RAB21: variants seen among roughly 807,000 people sequenced by gnomAD.
The protein encoded by RAB21 is RAB21, member RAS oncogene family.
A neutral mutation model predicts 33.1 loss-of-function variants in RAB21; 13 were observed. That is an observed-to-expected ratio of 0.39 (90% confidence interval 0.26 to 0.62). The LOEUF is 0.62. RAB21 is among the 20% of genes least tolerant of loss of function. The pLI, the probability that RAB21 is intolerant of heterozygous loss-of-function variation, is 0.48. For synonymous variants in RAB21, 91 were observed against 103.7 expected, an observed-to-expected ratio of 0.88 and a Z score of 0.74; for missense variants, 234 against 279.1, an observed-to-expected ratio of 0.84 and a Z score of 1.15.
rs1883511910 is a variant in RAB21 at position 71,799,639 on chromosome 12, T to C, written c.*13966T>C. On this transcript the variant is annotated 3_prime_UTR_variant, in exon 7 of 7. Transcript: ENST00000261263. ...TTTTAGGTAGCTATAAAAAAGAGAA[T>C]GAGAAAGCTTTGCATATTTAAAAGA... The C allele has an allele frequency of 6.6e-6, 1 of 152,020 alleles. No individual in the cohort carries two copies. Among genetic ancestry groups the C allele is most frequent in the Non-Finnish European group, 1.5e-5 (1 of 67,998 alleles). 9.4% of individuals were successfully genotyped at this position (152,020 alleles called of 1,614,324 possible). A position where few individuals can be genotyped will look rare whatever the true frequency, so the allele number is the denominator to read the frequency against.
rs1016568970 is a variant in RAB21, at chr12:71,771,471, A to AT, written c.327+780dup. Among the ~76,000 whole-genome samples, 11 of 151,646 alleles carry AT rather than the reference A, an allele frequency of 7.3e-5. No homozygotes were observed. The East Asian group carries it at 1.2e-3, about 16-fold the overall frequency. On this transcript the variant is annotated intron_variant, in intron 3 of 6. Transcript: ENST00000261263. ...CTTGTTTGTTTTGTTTTTTCTCTTT[A>AT]TTTTTTTTCCCAGTTAAATCTGATA...
intron 4 of RAB21, among the ~76,000 whole-genome samples, chr12:71,776,712 TAA>T (rs879933987): frequency 8.5e-5 from 12 of 140,806 alleles, no homozygotes; most frequent in Admixed American, 2.1e-4. Context: ...GTCTCCCGTT[TAA>T]AAAAAAAAAA....
chr12:71,765,135 C>T (rs757546541), intron 1 of RAB21, among the ~76,000 whole-genome samples: 23 of 152,180 alleles, frequency 1.5e-4, no homozygotes, highest in East Asian at 1.9e-4. Context: ...GTTATTTTGA[C>T]TAATTATGGT....
chr12:71,782,691 T>A lies in RAB21; in HGVS notation c.535+33T>A, dbSNP rs183911977. On this transcript the variant is annotated intron_variant, in intron 6 of 6. Transcript: ENST00000261263. Reference sequence around the variant, plus strand: ...TATTCAGATTTAGTTTGTTTAGAAATGGTTTTTGGTTTTTATTTTTTAAAA... The same window carrying A: ...TATTCAGATTTAGTTTGTTTAGAAAAGGTTTTTGGTTTTTATTTTTTAAAA... 7 of 1,418,488 alleles carry A rather than the reference T, an allele frequency of 4.9e-6. No individual in the cohort carries two copies. In the East Asian group the frequency reaches 1.4e-4, roughly 29 times the overall value. The allele number at this position is 1,418,488 out of a possible 1,614,324, so 87.9% of individuals were successfully genotyped here. A position where few individuals can be genotyped will look rare whatever the true frequency, so the allele number is the denominator to read the frequency against.
At chr12:71,771,895 A>G (rs1164688402) in intron 3 of RAB21, among the ~76,000 whole-genome samples, 1 of 151,856 alleles carries the variant, frequency 6.6e-6, no homozygotes, top group South Asian at 2.1e-4. Flanking sequence ...AGACTTGCTT[A>G]AACTGGGGAG....
At chr12:71,773,911 G>A in intron 3 of RAB21, 48 bp from the exon 4 acceptor site, 1 of 1,353,040 alleles carries the variant, frequency 7.4e-7, no homozygotes, top group Non-Finnish European at 1.0e-6. Context: ...TGTGATAGTA[G>A]TAATTCCAAC....
intron 4 of RAB21, among the ~76,000 whole-genome samples, chr12:71,777,139 A>T (rs540971590): frequency 2.0e-5 from 3 of 152,330 alleles, no homozygotes; most frequent in African/African-American, 7.2e-5. Context: ...CAAAATGAAA[A>T]TTGCACGGTG....
At chr12:71,759,284 A>C (rs193112833) in intron 1 of RAB21, among the ~76,000 whole-genome samples, 2 of 152,332 alleles carry the variant, frequency 1.3e-5, no homozygotes, top group East Asian at 1.9e-4. Flanking sequence ...TGTGGAATCT[A>C]CTGTCTGGAT....
At chr12:71,765,530 C>T (rs1262078315) in intron 1 of RAB21, among the ~76,000 whole-genome samples, 1 of 152,066 alleles carries the variant, frequency 6.6e-6, no homozygotes, top group Non-Finnish European at 1.5e-5. Flanking sequence ...TTTCTCTAAG[C>T]CAATGTCTAG....
At chr12:71,755,937 A>T (rs890706075) in intron 1 of RAB21, among the ~76,000 whole-genome samples, 3 of 152,192 alleles carry the variant, frequency 2.0e-5, no homozygotes, top group Non-Finnish European at 2.9e-5. Flanking sequence ...CCCAGACTAA[A>T]AGCCGCTGCT....
At position 71,786,567 on chromosome 12, in the gene RAB21, T is replaced by C. The variant is rs1308684166; in HGVS notation, c.*894T>C. 2 of 152,658 alleles carry C rather than the reference T, an allele frequency of 1.3e-5. No homozygotes were observed. Among genetic ancestry groups the C allele is most frequent in the African/African-American group, 4.8e-5 (2 of 41,460 alleles). 9.5% of individuals were successfully genotyped at this position (152,658 alleles called of 1,614,324 possible). A position where few individuals can be genotyped will look rare whatever the true frequency, so the allele number is the denominator to read the frequency against. The stretch of plus-strand genomic sequence containing the variant: ...ATTGTAAATTACATATTAAATATTT[T>C]ATCTGCTTTTACAAGCGCAAGGTGC... On this transcript the variant is annotated 3_prime_UTR_variant, in exon 7 of 7. Coordinates refer to ENST00000261263, the MANE Select transcript of RAB21 (RefSeq NM_014999.4).
rs1052545054 is a variant in RAB21, at chr12:71,793,070, C to G, written c.*7397C>G. 6.6e-6 allele frequency: 1 copy of G among 152,152 alleles called. No individual in the cohort carries two copies. The highest frequency in any genetic ancestry group is 1.5e-5 in the Non-Finnish European group (1 of 68,022). The allele number at this position is 152,152 out of a possible 1,614,324, so 9.4% of individuals were successfully genotyped here. A position where few individuals can be genotyped will look rare whatever the true frequency, so the allele number is the denominator to read the frequency against. Reference sequence around the variant, plus strand: ...GGGGGTAATTAAGTGATCCTCTAACCCAAATTGCTTTTCCAAATTTTGTGG... The same window carrying G: ...GGGGGTAATTAAGTGATCCTCTAACGCAAATTGCTTTTCCAAATTTTGTGG... On this transcript the variant is annotated 3_prime_UTR_variant, in exon 7 of 7. Coordinates refer to ENST00000261263, the MANE Select transcript of RAB21 (RefSeq NM_014999.4).
At chr12:71,762,243 A>G (rs1882882701) in intron 1 of RAB21, among the ~76,000 whole-genome samples, 1 of 152,224 alleles carries the variant, frequency 6.6e-6, no homozygotes, top group Non-Finnish European at 1.5e-5. Context: ...CCTTGTTTTT[A>G]GAAACTAAGA....
In RAB21 at chr12:71,794,559, C is replaced by G. The variant is rs1883440449; in HGVS notation, c.*8886C>G. ...TCACACCATTCTCCTGCCTCAGCCT[C>G]CCGAGTAGCTGGGACTACAGGCGCC... On this transcript the variant is annotated 3_prime_UTR_variant, in exon 7 of 7. Coordinates refer to ENST00000261263, the MANE Select transcript of RAB21 (RefSeq NM_014999.4). The G allele has an allele frequency of 7.0e-6, 1 of 142,600 alleles. No individual in the cohort carries two copies. Among genetic ancestry groups the G allele is most frequent in the East Asian group, 2.1e-4 (1 of 4,690 alleles). The allele number at this position is 142,600 out of a possible 1,614,324, so 8.8% of individuals were successfully genotyped here.
chr12:71,763,268 A>G (rs1592643501), intron 1 of RAB21, among the ~76,000 whole-genome samples: 1 of 151,932 alleles, frequency 6.6e-6, no homozygotes, highest in Non-Finnish European at 1.5e-5. Context: ...CAGATACCTT[A>G]TAATTATCAA....
rs34870844 is a variant in RAB21, at chr12:71,774,756, T to TAAA, written c.391+749_391+751dup. Among the ~76,000 whole-genome samples, 15 of 133,846 alleles carry TAAA rather than the reference T, an allele frequency of 1.1e-4. No homozygotes were observed. The South Asian group carries it at 1.2e-3, about 11-fold the overall frequency. The allele number at this position is 133,846 out of a possible 152,430, so 87.8% of individuals were successfully genotyped here. A position where few individuals can be genotyped will look rare whatever the true frequency, so the allele number is the denominator to read the frequency against. ...TGGGCAACAGAGCGAGACTGTGTCT[T>TAAA]AAAAAAAAAAAAAAAAAGAATAATT... On this transcript the variant is annotated intron_variant, in intron 4 of 6. Transcript: ENST00000261263.
chr12:71,780,621 C>G (rs1337801542), intron 4 of RAB21, among the ~76,000 whole-genome samples: 2 of 152,176 alleles, frequency 1.3e-5, no homozygotes, highest in African/African-American at 4.8e-5. Context: ...TTAGTGTTGT[C>G]TGCTTCCCTC....
At position 71,789,878 on chromosome 12, in the gene RAB21, G is replaced by A. The variant is rs1306755993; in HGVS notation, c.*4205G>A. 1.3e-5 allele frequency: 2 copies of A among 152,028 alleles called. No individual in the cohort carries two copies. Among genetic ancestry groups the A allele is most frequent in the African/African-American group, 4.8e-5 (2 of 41,408 alleles). The allele number at this position is 152,028 out of a possible 1,614,324, so 9.4% of individuals were successfully genotyped here. ...TTTTCAAGAAAACAGTTGCAATTTT[G>A]AGCAAAATTTTCCTAGTTGTAATAT... On this transcript the variant is annotated 3_prime_UTR_variant, in exon 7 of 7. Transcript: ENST00000261263.
chr12:71,774,567 T>C (rs906801710), intron 4 of RAB21, among the ~76,000 whole-genome samples: 3 of 151,996 alleles, frequency 2.0e-5, no homozygotes, highest in Non-Finnish European at 4.4e-5. Flanking sequence ...AAAACCAGCC[T>C]GGCCAACATA....
Sources: allele counts gnomAD v4.1 joint callset (sites outside exome capture counted in the v4.1 genomes callset), GRCh38; gene constraint gnomAD v4.1.1; transcripts MANE v1.5; gene names NCBI Gene and HGNC (gene_info 2026-07-23, HGNC 2026-07-21).